The following PLOD1 variants were observed in gnomAD, a reference collection of about 807,000 sequenced individuals.
PLOD1 encodes procollagen-lysine,2-oxoglutarate 5-dioxygenase 1, also known as lysine hydroxylase.
PLOD1 carries 70 observed loss-of-function variants against 94.7 expected under a neutral mutation model. That is an observed-to-expected ratio of 0.74 (90% CI 0.61 to 0.90). PLOD1 has a LOEUF of 0.90. Among genes scored for constraint, PLOD1 ranks in the 40% least tolerant of loss-of-function variants. The pLI, the probability that PLOD1 is intolerant of heterozygous loss-of-function variation, is 0.00. For synonymous variants in PLOD1, 417 were observed against 400.2 expected (o/e 1.04, Z -0.50); for missense variants, 905 against 972.7 (o/e 0.93, Z 0.93).
chr1:11,957,567 A>C lies in PLOD1; in HGVS notation c.742-275A>C, dbSNP rs947558755. ...AAATGCAAATTTGCTGATTTCACCC[A>C]GGATCTGTTCAGATGGAATCTCTGA... On this transcript the variant is annotated intron_variant, in intron 7 of 18. Transcript: ENST00000196061. This position sits in a 1 kb window ranked among gnomAD's most constrained non-coding sequence, Gnocchi z 4.1. 6.6e-6 allele frequency among the ~76,000 whole-genome samples: 1 copy of C among 152,202 alleles called. No homozygotes were observed. The highest frequency in any genetic ancestry group is 6.5e-5 in the Admixed American group (1 of 15,276).
Position 11,967,033 on chromosome 1 carries a change from G to A in PLOD1, c.1697G>A (p.Cys566Tyr), listed in dbSNP as rs377325169. The change falls in exon 16 of 19, where the codon TGT becomes TAT. Residue 566 changes from cysteine to tyrosine, a missense_variant. By Grantham distance (194) the Cys-to-Tyr change is radical. Transcript: ENST00000196061. ...TTCCCCATCTTCACGGAGGTGGCCT[G>A]TGATGAGCTGGTGGAGGAGATGGAG... Reference protein sequence around the residue: ...YWFPIFTEVACDELVEEMEHF... With the variant: ...YWFPIFTEVAYDELVEEMEHF... 6.2e-7 allele frequency: 1 copy of A among 1,613,990 alleles called. No homozygotes were observed. Among genetic ancestry groups the A allele is most frequent in the Non-Finnish European group, 8.5e-7 (1 of 1,179,942 alleles).
At position 11,954,819 on chromosome 1, in the gene PLOD1, C is replaced by G. The variant is rs1215403540; in HGVS notation, c.580-11C>G. On this transcript the variant is annotated splice_polypyrimidine_tract_variant and intron_variant, in intron 5 of 18. Coordinates refer to ENST00000196061, the MANE Select transcript of PLOD1 (RefSeq NM_000302.4). ...TGTCCCTGCTGCAGTCTGGTACCTT[C>G]TTTCCTGCAGGAGCAGATCAATATC... The G allele has an allele frequency of 1.9e-6, 3 of 1,609,968 alleles. No homozygotes were observed. The Admixed American group carries it at 5.0e-5, about 27-fold the overall frequency.
rs1391982281 is a variant in PLOD1, at chr1:11,967,597, G to GTGTATATATATATATATATATATATA, written c.1755+507_1755+508insGTATATATATATATATATATATATAT. Reference sequence around the variant, plus strand: ...TTTTTCTTTTCATGTGTGTGTGTGTGTATATATATATATATATAAAAAGAA... The same window carrying GTGTATATATATATATATATATATATA: ...TTTTTCTTTTCATGTGTGTGTGTGTGTGTATATATATATATATATATATATATATATATATATATATATAAAAAGAA... On this transcript the variant is annotated intron_variant, in intron 16 of 18. Transcript: ENST00000196061. Among the ~76,000 whole-genome samples, 44 of 59,754 alleles carry GTGTATATATATATATATATATATATA rather than the reference G, an allele frequency of 7.4e-4. 1 individual carries two copies. Among genetic ancestry groups the GTGTATATATATATATATATATATATA allele is most frequent in the East Asian group, 2.3e-3 (3 of 1,310 alleles). The allele number at this position is 59,754 out of a possible 152,430, so 39.2% of individuals were successfully genotyped here. A position where few individuals can be genotyped will look rare whatever the true frequency, so the allele number is the denominator to read the frequency against.
At chr1:11,946,512 A>T (rs1017326999) in intron 1 of PLOD1, among the ~76,000 whole-genome samples, 5 of 152,226 alleles carry the variant, frequency 3.3e-5, no homozygotes, top group African/African-American at 1.2e-4. Context: ...TGTGATACTC[A>T]GCAAGAAAGA....
chr1:11,950,243 C>G (rs1645689503), intron 3 of PLOD1, 114 bp from the exon 4 acceptor site: 2 of 1,031,208 alleles, frequency 1.9e-6, no homozygotes, highest in Non-Finnish European at 3.0e-6. Context: ...CCCAGGCTGG[C>G]GTGGGCAGAG....
intron 1 of PLOD1, among the ~76,000 whole-genome samples, chr1:11,942,975 T>G (rs554655008): frequency 6.0e-5 from 9 of 149,806 alleles, no homozygotes; most frequent in South Asian, 2.2e-4. Flanking sequence ...TTTTTGTTTG[T>G]TTGGTTTTTT....
chr1:11,965,730 G>T (rs370843662), intron 14 of PLOD1, 137 bp downstream of exon 14: 44 of 636,334 alleles, frequency 6.9e-5, no homozygotes, highest in South Asian at 1.6e-4. Flanking sequence ...CACCCCAGGA[G>T]GCTATAGGGC....
chr1:11,944,501 C>G, intron 1 of PLOD1: 1 of 1,326,820 alleles, frequency 7.5e-7, no homozygotes, highest in South Asian at 1.2e-5. Flanking sequence ...TGAAATGTGA[C>G]ACTCTTCCTG....
At chr1:11,941,066 CCTCT>C (rs1431117750) in intron 1 of PLOD1, among the ~76,000 whole-genome samples, 2 of 152,192 alleles carry the variant, frequency 1.3e-5, no homozygotes, top group African/African-American at 4.8e-5. Context: ...AGGTATTTAG[CCTCT>C]CTGTGCCTCG....
At chr1:11,970,506 A>G (rs1202563119) in intron 16 of PLOD1, among the ~76,000 whole-genome samples, 164 bp from the exon 17 acceptor site, 1 of 152,108 alleles carries the variant, frequency 6.6e-6, no homozygotes, top group Non-Finnish European at 1.5e-5. Flanking sequence ...CTTTTGATTA[A>G]CCCAAAGTCA....
chr1:11,947,264 C>CA (rs1557485063), intron 1 of PLOD1, among the ~76,000 whole-genome samples: 2 of 147,778 alleles, frequency 1.4e-5, no homozygotes, highest in African/African-American at 5.1e-5. Context: ...AACAAACAAA[C>CA]AAACAAAAAA....
intron 10 of PLOD1, among the ~76,000 whole-genome samples, chr1:11,961,903 C>T (rs960753564): frequency 6.6e-6 from 1 of 152,204 alleles, no homozygotes; most frequent in African/African-American, 2.4e-5. Flanking sequence ...ATTCTCTTGC[C>T]TCAGCCTCTC....
Position 11,950,721 on chromosome 1 carries a change from A to G in PLOD1, c.466+201A>G, listed in dbSNP as rs60895266. On this transcript the variant is annotated intron_variant, in intron 4 of 18. Transcript: ENST00000196061. ...TCATTCAACAGACACGCAGCCCCAT[A>G]GACAGAACCCAGGAGTCACTCCTGA... Among the ~76,000 whole-genome samples, 84,552 of 151,930 alleles carry G rather than the reference A, an allele frequency of 0.56. 24,608 individuals carry two copies. The highest frequency in any genetic ancestry group is 0.71 in the East Asian group (3,621 of 5,124).
chr1:11,941,416 C>G (rs1030595288), intron 1 of PLOD1, among the ~76,000 whole-genome samples: 2 of 151,954 alleles, frequency 1.3e-5, no homozygotes, highest in Admixed American at 6.6e-5. Flanking sequence ...ACTGCAACCT[C>G]TGCCTCCTGG....
At chr1:11,944,497 G>T in intron 1 of PLOD1, 1 of 1,324,318 alleles carries the variant, frequency 7.6e-7, no homozygotes, top group African/African-American at 1.5e-5. Context: ...TCCATGAAAT[G>T]TGACACTCTT....
Position 11,936,214 on chromosome 1 carries a change from G to A in PLOD1, c.76+1359G>A, listed in dbSNP as rs542685387. On this transcript the variant is annotated intron_variant, in intron 1 of 18. Coordinates refer to ENST00000196061, the MANE Select transcript of PLOD1 (RefSeq NM_000302.4). ...TGGTCCAGACAGAGGTGGTTGGTCC[G>A]AGGTCAGCTGGGCTCCAGTCTAGCG... Among the ~76,000 whole-genome samples the A allele has an allele frequency of 7.9e-5, 12 of 152,124 alleles. No homozygotes were observed. The South Asian group carries it at 2.5e-3, about 32-fold the overall frequency.
In PLOD1 at chr1:11,949,769, C is replaced by T. The variant is rs2100743301; in HGVS notation, c.169-4C>T. 6.2e-7 allele frequency: 1 copy of T among 1,613,924 alleles called. No homozygotes were observed. Among genetic ancestry groups the T allele is most frequent in the Admixed American group, 1.7e-5 (1 of 60,000 alleles). ...AGCCCGTGTTAAGGGGTGTTTCTCTCCAGGCGCTTGGCCTAGGGGAGGACT... is the reference window on the plus strand; with the variant it reads ...AGCCCGTGTTAAGGGGTGTTTCTCTTCAGGCGCTTGGCCTAGGGGAGGACT... On this transcript the variant is annotated splice_region_variant and splice_polypyrimidine_tract_variant and intron_variant, in intron 2 of 18. Coordinates refer to ENST00000196061, the MANE Select transcript of PLOD1 (RefSeq NM_000302.4).
rs575800205 is a variant in PLOD1, at chr1:11,958,847, T to G, written c.975+200T>G. Among the ~76,000 whole-genome samples, 31 of 152,260 alleles carry G rather than the reference T, an allele frequency of 2.0e-4. 1 individual carries two copies. In the South Asian group the frequency reaches 6.0e-3, roughly 30 times the overall value. On this transcript the variant is annotated intron_variant, in intron 9 of 18. Transcript: ENST00000196061. This position sits in a 1 kb window ranked among gnomAD's most constrained non-coding sequence, Gnocchi z 4.3. ...GAGTTTGAATCCCAGCGCCGCTATT[T>G]TATTGGCTGTGTGACCTTGGGCACA...
chr1:11,938,030 G>A (rs1569662198), intron 1 of PLOD1, among the ~76,000 whole-genome samples: 1 of 149,838 alleles, frequency 6.7e-6, no homozygotes, highest in East Asian at 2.0e-4. Context: ...TCAGCGCACT[G>A]CAGCCTCCAC....
Sources: gnomAD v4.1 joint callset for allele counts (sites outside exome capture counted in the v4.1 genomes callset) on GRCh38, gnomAD v4.1.1 for gene constraint, Gnocchi (gnomAD v3.1) non-coding constraint, MANE v1.5 for transcripts, NCBI Gene and HGNC (gene_info 2026-07-23, HGNC 2026-07-21) for gene names.